Variants in PACRG observed in about 807,000 individuals in gnomAD.
PACRG encodes the protein parkin coregulated.
In PACRG, 29 loss-of-function variants were observed where a neutral mutation model predicts 29.7. That is an observed-to-expected ratio of 0.98 (90% confidence interval 0.73 to 1.33). The LOEUF (loss-of-function observed/expected upper bound fraction) is 1.33. Among genes scored for constraint, PACRG ranks in the 40% most tolerant of loss-of-function variants. PACRG has a pLI of 0.00. For missense variants in PACRG, 279 were observed against 316.2 expected, an observed-to-expected ratio of 0.88 and a Z score of 0.89; for synonymous variants, 116 against 118.7, an observed-to-expected ratio of 0.98 and a Z score of 0.15.
intron 2 of PACRG, among the ~76,000 whole-genome samples, chr6:162,896,038 C>T (rs1296607943): frequency 1.3e-5 from 2 of 152,214 alleles, no homozygotes; most frequent in Non-Finnish European, 2.9e-5. Context: ...AGCTTGATTG[C>T]TCCCAGCAGC....
chr6:163,191,794 T>G, intron 4 of PACRG: 1 of 456,210 alleles, frequency 2.2e-6, no homozygotes, highest in South Asian at 1.5e-5. Context: ...TCATCTTCCA[T>G]TTCCAGCCAC....
chr6:163,093,507 G>A (rs996763652), intron 4 of PACRG, among the ~76,000 whole-genome samples: 3 of 152,160 alleles, frequency 2.0e-5, no homozygotes, highest in African/African-American at 7.2e-5. Context: ...ATGATGCAGA[G>A]TATTACATTT....
At chr6:163,010,120 A>T (rs1805474192) in intron 2 of PACRG, among the ~76,000 whole-genome samples, 1 of 152,200 alleles carries the variant, frequency 6.6e-6, no homozygotes, top group Non-Finnish European at 1.5e-5. Context: ...GCAACATGCT[A>T]CAGTACAGGG....
rs1461406010 is a variant in PACRG at position 163,315,288 on chromosome 6, A to G, written c.*301A>G. 2 of 231,100 alleles carry G rather than the reference A, an allele frequency of 8.7e-6. No individual in the cohort carries two copies. The highest frequency in any genetic ancestry group is 2.3e-5 in the African/African-American group (1 of 44,024). 14.3% of individuals were successfully genotyped at this position (231,100 alleles called of 1,614,324 possible). The stretch of plus-strand genomic sequence containing the variant: ...AGTTAAACCTTCAGTTGTATAGACA[A>G]TAAACTATAATTTTCATATGCAATT... On this transcript the variant is annotated 3_prime_UTR_variant, in exon 5 of 5. Transcript: ENST00000366888.
chr6:163,205,987 A>G (rs1780886242), intron 4 of PACRG, among the ~76,000 whole-genome samples: 1 of 152,230 alleles, frequency 6.6e-6, no homozygotes, highest in Non-Finnish European at 1.5e-5. Flanking sequence ...CATTACAGAA[A>G]TGCAAATCAA....
intron 2 of PACRG, among the ~76,000 whole-genome samples, chr6:162,961,785 C>A (rs1044560236): frequency 6.6e-6 from 1 of 152,148 alleles, no homozygotes; most frequent in African/African-American, 2.4e-5. Flanking sequence ...CAGATCCATA[C>A]CCCAAGCCAG....
At chr6:162,834,536 A>G (rs575352036) in intron 2 of PACRG, among the ~76,000 whole-genome samples, 2 of 152,032 alleles carry the variant, frequency 1.3e-5, no homozygotes, top group South Asian at 4.2e-4. Flanking sequence ...TTTGTATTCA[A>G]TTCACTTTTA....
chr6:162,733,274 T>C (rs1414143434), intron 1 of PACRG, among the ~76,000 whole-genome samples: 1 of 152,244 alleles, frequency 6.6e-6, no homozygotes, highest in African/African-American at 2.4e-5. Context: ...CATTGTGTTC[T>C]ACTTTGTATT....
At chr6:162,955,391 C>T (rs1799942213) in intron 2 of PACRG, among the ~76,000 whole-genome samples, 1 of 152,092 alleles carries the variant, frequency 6.6e-6, no homozygotes, top group African/African-American at 2.4e-5. Flanking sequence ...GCTCTGCCTC[C>T]CGGGTTCAAG....
At chr6:163,152,991 T>C (rs1778161800) in intron 4 of PACRG, among the ~76,000 whole-genome samples, 1 of 152,210 alleles carries the variant, frequency 6.6e-6, no homozygotes, top group Non-Finnish European at 1.5e-5. Context: ...TTTTGCAGTC[T>C]AGTGAACTAA....
At chr6:162,920,563 C>G (rs1029285943) in intron 2 of PACRG, among the ~76,000 whole-genome samples, 1 of 152,152 alleles carries the variant, frequency 6.6e-6, no homozygotes, top group African/African-American at 2.4e-5. Flanking sequence ...TTATTTCTAG[C>G]ATTTTCCAGT....
chr6:163,058,668 G>A (rs373694301), intron 2 of PACRG, among the ~76,000 whole-genome samples: 88 of 152,248 alleles, frequency 5.8e-4, no homozygotes, highest in African/African-American at 1.9e-3. Flanking sequence ...AGGCCAAGGC[G>A]AGCGGATCAT....
intron 2 of PACRG, among the ~76,000 whole-genome samples, chr6:162,835,701 A>G (rs1223875123): frequency 6.6e-6 from 1 of 152,256 alleles, no homozygotes; most frequent in South Asian, 2.1e-4. Context: ...TATATATTAC[A>G]CAAGTAGCAT....
At chr6:162,996,559 A>G (rs1804076871) in intron 2 of PACRG, among the ~76,000 whole-genome samples, 1 of 152,214 alleles carries the variant, frequency 6.6e-6, no homozygotes, top group African/African-American at 2.4e-5. Context: ...ATGGCTAATT[A>G]AATTATGATG....
chr6:162,727,550 C>G, upstream of PACRG: 1 of 1,204,306 alleles, frequency 8.3e-7, no homozygotes, highest in Admixed American at 2.0e-5. Context: ...GGCACTTTGG[C>G]CCCGTCATTG....
intron 2 of PACRG, among the ~76,000 whole-genome samples, chr6:162,919,255 A>AT (rs1484889086): frequency 6.6e-6 from 1 of 152,152 alleles, no homozygotes; most frequent in Non-Finnish European, 1.5e-5. Flanking sequence ...TTAAGAAAAT[A>AT]TTTTGTGGGT....
intron 4 of PACRG, among the ~76,000 whole-genome samples, chr6:163,096,566 T>C (rs1814611163): frequency 6.6e-6 from 1 of 152,196 alleles, no homozygotes; most frequent in African/African-American, 2.4e-5. Context: ...ACGGGTCATG[T>C]AACAACTCCG....
chr6:162,764,775 G>A (rs1322130138), intron 1 of PACRG, among the ~76,000 whole-genome samples: 1 of 147,130 alleles, frequency 6.8e-6, no homozygotes, highest in African/African-American at 2.5e-5. Context: ...ACAGAGTCTT[G>A]CTCTGTTGCC....
At chr6:163,113,304 GAA>G (rs986750966) in intron 4 of PACRG, among the ~76,000 whole-genome samples, 1 of 152,184 alleles carries the variant, frequency 6.6e-6, no homozygotes, top group African/African-American at 2.4e-5. Flanking sequence ...ATTCTAGGGA[GAA>G]GAGAGAGAGA....
Sources: gnomAD v4.1 joint callset for allele counts (sites outside exome capture counted in the v4.1 genomes callset) on GRCh38, gnomAD v4.1.1 for gene constraint, MANE v1.5 for transcripts, NCBI Gene and HGNC (gene_info 2026-07-23, HGNC 2026-07-21) for gene names.